The following SMARCC1 variants were observed in gnomAD, a reference collection of about 807,000 sequenced individuals.
SMARCC1 encodes SWI/SNF complex subunit SMARCC1.
In SMARCC1, 43 loss-of-function variants were observed where a neutral mutation model predicts 147.4. That is an observed-to-expected ratio of 0.29 (90% CI 0.23 to 0.38). SMARCC1 has a LOEUF of 0.38. Among genes scored for constraint, SMARCC1 ranks in the 10% least tolerant of loss-of-function variants. The probability of loss-of-function intolerance (pLI) is 1.00; values close to 1 mark genes in which losing one functional copy is unlikely to be tolerated. For missense variants in SMARCC1, 1,119 were observed against 1,381.1 expected, an observed-to-expected ratio of 0.81 and a Z score of 3.01; for synonymous variants, 495 against 484.4, an observed-to-expected ratio of 1.02 and a Z score of -0.29.
In SMARCC1 at chr3:47,673,398, G is replaced by GGA. The variant is rs1559641301; in HGVS notation, c.1839+2076_1839+2077insTC. Among the ~76,000 whole-genome samples, 103 of 120,272 alleles carry GGA rather than the reference G, an allele frequency of 8.6e-4. 17 individuals are homozygous for GGA. The highest frequency in any genetic ancestry group is 1.7e-3 in the Non-Finnish European group (95 of 57,134). The allele number at this position is 120,272 out of a possible 152,430, so 78.9% of individuals were successfully genotyped here. A position where few individuals can be genotyped will look rare whatever the true frequency, so the allele number is the denominator to read the frequency against. Reference sequence around the variant, plus strand: ...GAGACTCTGTCTCAAAAAAAAAAGGGTGGGGGGGGGGCAGGCCAGTGGCTC... The same window carrying GGA: ...GAGACTCTGTCTCAAAAAAAAAAGGGGATGGGGGGGGGGCAGGCCAGTGGCTC... On this transcript the variant is annotated intron_variant, in intron 18 of 27. Coordinates refer to ENST00000254480, the MANE Select transcript of SMARCC1 (RefSeq NM_003074.4).
chr3:47,715,802 A>G (rs1175986145), intron 7 of SMARCC1, among the ~76,000 whole-genome samples: 2 of 152,148 alleles, frequency 1.3e-5, no homozygotes, highest in African/African-American at 2.4e-5. Context: ...ACAGGCTTTG[A>G]TAACATTATT....
chr3:47,757,258 A>T (rs1438093545), intron 2 of SMARCC1, among the ~76,000 whole-genome samples: 2 of 152,066 alleles, frequency 1.3e-5, no homozygotes, highest in Non-Finnish European at 2.9e-5. Context: ...TTCAAAAAAG[A>T]AAAGAAAAAA....
chr3:47,637,134 C>T lies in SMARCC1; in HGVS notation c.2377-998G>A, dbSNP rs376406487. On this transcript the variant is annotated intron_variant, in intron 22 of 27. Coordinates refer to ENST00000254480, the MANE Select transcript of SMARCC1 (RefSeq NM_003074.4). ...AGTATCAAGTGATCCTCCAGCCTCC[C>T]AAGTGATCCTACAACCTTCCAAGTA... is the stretch of plus-strand genomic sequence containing the variant. Among the ~76,000 whole-genome samples, 88 of 152,222 alleles carry T rather than the reference C, an allele frequency of 5.8e-4. 1 individual carries two copies. The South Asian group carries it at 0.016, about 28-fold the overall frequency.
chr3:47,597,629 G>A (rs558796511), intron 26 of SMARCC1, among the ~76,000 whole-genome samples: 2 of 151,950 alleles, frequency 1.3e-5, no homozygotes, highest in African/African-American at 2.4e-5. Flanking sequence ...CCCGGCCCAC[G>A]CCAGCTAATT....
chr3:47,663,252 AAGGAAGG>A (rs2106738671), intron 19 of SMARCC1, among the ~76,000 whole-genome samples: 1 of 144,108 alleles, frequency 6.9e-6, no homozygotes, highest in East Asian at 2.1e-4. Flanking sequence ...GGAAGGAAGG[AAGGAAGG>A]AAGGAAGGGC....
At chr3:47,759,631 AAAAAAG>A (rs2034749883) in intron 2 of SMARCC1, among the ~76,000 whole-genome samples, 1 of 149,310 alleles carries the variant, frequency 6.7e-6, no homozygotes, top group African/African-American at 2.5e-5. Flanking sequence ...AAAAAAAAAA[AAAAAAG>A]AAAAAGAAAA....
chr3:47,732,534 TTTTA>T (rs1260896168), intron 5 of SMARCC1, among the ~76,000 whole-genome samples: 1 of 152,168 alleles, frequency 6.6e-6, no homozygotes, highest in Non-Finnish European at 1.5e-5. Flanking sequence ...ACTACTAGCT[TTTTA>T]TTTAAAGTGA....
At chr3:47,731,950 G>A (rs1380417222) in intron 5 of SMARCC1, among the ~76,000 whole-genome samples, 1 of 152,146 alleles carries the variant, frequency 6.6e-6, no homozygotes, top group Non-Finnish European at 1.5e-5. Flanking sequence ...AAAATAGCCT[G>A]GCTGAAGCTT....
In SMARCC1 at chr3:47,710,779, A is replaced by G. The variant is rs2034075545; in HGVS notation, c.822T>C (p.Asp274=). The change falls in exon 9 of 28, where the codon GAT becomes GAC. Residue 274 remains aspartate, a synonymous_variant. Coordinates refer to ENST00000254480, the MANE Select transcript of SMARCC1 (RefSeq NM_003074.4). ...CCTCATTCATCCATTCATTGAAAAT[A>G]TCAGTGTCCAAAATCCATTTCACAT... ...KVHVKWILDT[D]IFNEWMNEED... 2 of 1,612,398 alleles carry G rather than the reference A, an allele frequency of 1.2e-6. No homozygotes were observed. Among genetic ancestry groups the G allele is most frequent in the Middle Eastern group, 1.6e-4 (1 of 6,082 alleles).
intron 14 of SMARCC1, among the ~76,000 whole-genome samples, chr3:47,685,126 G>A (rs1047771300): frequency 4.6e-5 from 7 of 151,906 alleles, no homozygotes; most frequent in African/African-American, 1.7e-4. Flanking sequence ...CTATGCATTG[G>A]GGCCACTAAC....
chr3:47,766,015 G>C (rs1039908027), intron 2 of SMARCC1, among the ~76,000 whole-genome samples: 48 of 152,170 alleles, frequency 3.2e-4, no homozygotes, highest in Admixed American at 1.3e-4. Context: ...TTACAGGCGT[G>C]AGCCACTGCC....
chr3:47,606,074 G>A (rs1223200499), intron 26 of SMARCC1, among the ~76,000 whole-genome samples: 6 of 150,186 alleles, frequency 4.0e-5, no homozygotes, highest in African/African-American at 1.5e-4. Flanking sequence ...AAAAAATCAT[G>A]AGACTATCTT....
chr3:47,725,524 C>T (rs993023903), intron 6 of SMARCC1, among the ~76,000 whole-genome samples: 250 of 152,120 alleles, frequency 1.6e-3, no homozygotes, highest in African/African-American at 5.8e-3. Context: ...CATCTTGGCT[C>T]ACCGCAACCT....
intron 8 of SMARCC1, among the ~76,000 whole-genome samples, chr3:47,713,361 A>AT (rs1342708439): frequency 1.3e-5 from 2 of 149,472 alleles, no homozygotes; most frequent in African/African-American, 4.9e-5. Flanking sequence ...AAATAAATAA[A>AT]AGATAAATCT....
At chr3:47,612,086 T>C (rs920499319) in intron 25 of SMARCC1, among the ~76,000 whole-genome samples, 5 of 152,156 alleles carry the variant, frequency 3.3e-5, no homozygotes, top group Non-Finnish European at 7.3e-5. Context: ...GGGTAAAGCC[T>C]AGCCTGGTTC....
At chr3:47,696,042 G>T (rs2033846505) in intron 11 of SMARCC1, among the ~76,000 whole-genome samples, 1 of 132,808 alleles carries the variant, frequency 7.5e-6, no homozygotes, top group African/African-American at 2.8e-5. Flanking sequence ...ACTCCAGCCT[G>T]GGTGACTGAG....
At chr3:47,749,111 T>A (rs979765661) in intron 2 of SMARCC1, among the ~76,000 whole-genome samples, 2 of 152,044 alleles carry the variant, frequency 1.3e-5, no homozygotes, top group African/African-American at 4.8e-5. Flanking sequence ...GGGACAAGCC[T>A]GGCCAACATG....
At chr3:47,588,711 C>CCG (rs2032121788) in intron 27 of SMARCC1, among the ~76,000 whole-genome samples, 1 of 116,064 alleles carries the variant, frequency 8.6e-6, no homozygotes, top group African/African-American at 3.3e-5. Flanking sequence ...CCGCCCCCCC[C>CCG]CCGCCCCCAC....
chr3:47,638,512 A>C (rs962781142), intron 22 of SMARCC1, among the ~76,000 whole-genome samples: 5 of 152,226 alleles, frequency 3.3e-5, no homozygotes, highest in Non-Finnish European at 1.5e-5. Flanking sequence ...AAAATATAAA[A>C]GAAGAGGATA....
Sources: gnomAD v4.1 joint callset for allele counts (sites outside exome capture counted in the v4.1 genomes callset) on GRCh38, gnomAD v4.1.1 for gene constraint, MANE v1.5 for transcripts, NCBI Gene and HGNC (gene_info 2026-07-23, HGNC 2026-07-21) for gene names.